FREM2: variants seen among roughly 807,000 people sequenced by gnomAD.
FREM2 encodes FRAS1-related extracellular matrix protein 2.
FREM2 carries 119 observed loss-of-function variants against 219.9 expected under a neutral mutation model. The observed-to-expected ratio is 0.54, with a 90% CI of 0.47 to 0.63. The LOEUF (loss-of-function observed/expected upper bound fraction) is 0.63, where lower values mean the gene tolerates loss of function less well. Among genes scored for constraint, FREM2 ranks in the 30% least tolerant of loss-of-function variants. The pLI is 0.00. For synonymous variants in FREM2, 1,562 were observed against 1,522.8 expected, an observed-to-expected ratio of 1.03 and a Z score of -0.60; for missense variants, 4,030 against 3,993.6, an observed-to-expected ratio of 1.01 and a Z score of -0.25.
chr13:38,776,957 A>G (rs1422351226), intron 4 of FREM2, among the ~76,000 whole-genome samples: 1 of 152,038 alleles, frequency 6.6e-6, no homozygotes, highest in Non-Finnish European at 1.5e-5. Flanking sequence ...CTCAGTGAAC[A>G]CCTTCACAAA....
intron 2 of FREM2, among the ~76,000 whole-genome samples, chr13:38,712,275 G>T (rs564905873): frequency 6.6e-6 from 1 of 152,292 alleles, no homozygotes; most frequent in South Asian, 2.1e-4. Context: ...GGGCTCTTCT[G>T]CAATACTCTA....
intron 2 of FREM2, among the ~76,000 whole-genome samples, chr13:38,722,745 G>T (rs1158169519): frequency 2.1e-5 from 3 of 140,068 alleles, no homozygotes; most frequent in Admixed American, 1.4e-4. Context: ...AGCTGGTAAC[G>T]TTTTTTTTTT....
intron 2 of FREM2, among the ~76,000 whole-genome samples, chr13:38,734,234 G>A (rs1193598598): frequency 1.3e-5 from 2 of 151,990 alleles, no homozygotes; most frequent in Non-Finnish European, 2.9e-5. Context: ...AATAACATGT[G>A]TTACCCTATC....
In FREM2 at chr13:38,874,565, T is replaced by G. The variant is rs1378247421; in HGVS notation, c.8260T>G (p.Leu2754Val). The G allele has an allele frequency of 6.2e-7, 1 of 1,614,020 alleles. No individual in the cohort carries two copies. Among genetic ancestry groups the G allele is most frequent in the Admixed American group, 1.7e-5 (1 of 60,022 alleles). The stretch of plus-strand genomic sequence containing the variant: ...CAAGACAGAGGCTCAGTTCCATGGC[T>G]TATTTGTGCTGTCACATCCCGGTAA... The part of the protein sequence containing the change: ...HFKTEAQFHG[L>V]FVLSHPASFT... The change falls in exon 18 of 24, where the codon TTA becomes GTA. Residue 2754 changes from leucine (L) to valine (V), a missense_variant. Coordinates refer to ENST00000280481, the MANE Select transcript of FREM2 (RefSeq NM_207361.6).
intron 2 of FREM2, among the ~76,000 whole-genome samples, chr13:38,715,455 G>A (rs1264500843): frequency 6.6e-6 from 1 of 152,126 alleles, no homozygotes; most frequent in Admixed American, 6.5e-5. Context: ...GATGCACATG[G>A]CCCTTCCTGG....
Position 38,872,819 on chromosome 13 carries a change from G to A in FREM2, c.8061G>A (p.Gly2687=), listed in dbSNP as rs147947821. The stretch of plus-strand genomic sequence containing the variant: ...CCTACGTGTTCCATTCCCCCGTGGG[G>A]GTAGGAGGCTGGCAGCATTTTGACT... ...YVSYVFHSPV[G]VGGWQHFDLK... The change falls in exon 17 of 24, where the codon GGG becomes GGA. Residue 2687 remains glycine, a synonymous_variant. Coordinates refer to ENST00000280481, the MANE Select transcript of FREM2 (RefSeq NM_207361.6). 105 of 1,613,934 alleles carry A rather than the reference G, an allele frequency of 6.5e-5. 1 individual carries two copies. In the Middle Eastern group the frequency reaches 1.3e-3, roughly 20 times the overall value.
intron 2 of FREM2, among the ~76,000 whole-genome samples, chr13:38,704,549 C>A (rs961217217): frequency 6.6e-6 from 1 of 152,100 alleles, no homozygotes; most frequent in African/African-American, 2.4e-5. Context: ...AGAAAAGCAC[C>A]AGCATGCCTG....
chr13:38,836,676 G>T (rs1436003716), intron 6 of FREM2, among the ~76,000 whole-genome samples: 1 of 151,976 alleles, frequency 6.6e-6, no homozygotes, highest in South Asian at 2.1e-4. Context: ...GTCTTGGAAG[G>T]GTGTATGTGT....
At chr13:38,792,858 G>A (rs1054368812) in intron 6 of FREM2, among the ~76,000 whole-genome samples, 1 of 152,152 alleles carries the variant, frequency 6.6e-6, no homozygotes, top group African/African-American at 2.4e-5. Context: ...ATAAAACAAA[G>A]TAGACAATAA....
chr13:38,813,561 CTCTATATA>C (rs1875626491), intron 6 of FREM2, among the ~76,000 whole-genome samples: 1 of 5,576 alleles, frequency 1.8e-4, no homozygotes, highest in African/African-American at 5.4e-4. Context: ...CTCTCTCTCT[CTCTATATA>C]TATATATATA....
At chr13:38,810,472 C>A (rs1372511421) in intron 6 of FREM2, among the ~76,000 whole-genome samples, 1 of 151,754 alleles carries the variant, frequency 6.6e-6, no homozygotes, top group Non-Finnish European at 1.5e-5. Context: ...ATATGGTTTT[C>A]ATTATGTTGA....
Position 38,885,178 on chromosome 13 carries a change from T to C in FREM2, c.*4391T>C, listed in dbSNP as rs1183220120. 8 of 152,174 alleles carry C rather than the reference T, an allele frequency of 5.3e-5. No homozygotes were observed. The highest frequency in any genetic ancestry group is 1.2e-4 in the Non-Finnish European group (8 of 67,998). 9.4% of individuals were successfully genotyped at this position (152,174 alleles called of 1,614,324 possible). On this transcript the variant is annotated 3_prime_UTR_variant, in exon 24 of 24. Coordinates refer to ENST00000280481, the MANE Select transcript of FREM2 (RefSeq NM_207361.6). ...AGAAGGACATGATATTTTTCTATAG[T>C]TTCCATCAGGAAGAGTACATCAGAA... is the stretch of plus-strand genomic sequence containing the variant.
Position 38,702,659 on chromosome 13 carries a change from A to G in FREM2, c.5263+4872A>G, listed in dbSNP as rs5009558. ...ATCCAGCTTGTTTCTTGATGGGCTT[A>G]AGAAAAAATTAGAATACATGATCAC... On this transcript the variant is annotated intron_variant, in intron 2 of 23. Coordinates refer to ENST00000280481, the MANE Select transcript of FREM2 (RefSeq NM_207361.6). 5.6e-5 allele frequency among the ~76,000 whole-genome samples: 7 copies of G among 124,712 alleles called. No individual in the cohort carries two copies. In the South Asian group the frequency reaches 1.3e-3, roughly 23 times the overall value. The allele number at this position is 124,712 out of a possible 152,430, so 81.8% of individuals were successfully genotyped here.
intron 6 of FREM2, among the ~76,000 whole-genome samples, chr13:38,803,099 G>T (rs1252657366): frequency 1.3e-5 from 2 of 152,126 alleles, no homozygotes; most frequent in African/African-American, 4.8e-5. Context: ...TGTACTAGCT[G>T]CATCTAGTCA....
chr13:38,745,087 T>C (rs2137785749), intron 2 of FREM2, among the ~76,000 whole-genome samples: 1 of 152,196 alleles, frequency 6.6e-6, no homozygotes, highest in South Asian at 2.1e-4. Context: ...GATCCAATAA[T>C]CCTAACATTA....
chr13:38,688,971 C>T lies in FREM2; in HGVS notation c.1627C>T (p.His543Tyr), dbSNP rs557607394. The T allele has an allele frequency of 5.1e-5, 83 of 1,613,686 alleles. 1 individual carries two copies. The South Asian group carries it at 8.1e-4, about 16-fold the overall frequency. Residue 543 changes from histidine to tyrosine, a missense_variant, in exon 1 of 24, where the codon CAC becomes TAC. His to Tyr is a moderately conservative substitution (Grantham distance 83, BLOSUM62 2). Coordinates refer to ENST00000280481, the MANE Select transcript of FREM2 (RefSeq NM_207361.6). ...VLRMVDGGGR[H>Y]QVQFLFPITL... ...TCGCATGGTGGATGGAGGAGGCAGGCACCAGGTACAGTTTCTGTTCCCCAT... is the reference window on the plus strand; with the variant it reads ...TCGCATGGTGGATGGAGGAGGCAGGTACCAGGTACAGTTTCTGTTCCCCAT...
At chr13:38,699,407 T>A (rs923753748) in intron 2 of FREM2, among the ~76,000 whole-genome samples, 6 of 152,162 alleles carry the variant, frequency 3.9e-5, no homozygotes, top group African/African-American at 1.4e-4. Context: ...TTGGAAAACA[T>A]TCTATAGTAT....
At chr13:38,760,125 A>G (rs1487736300) in intron 2 of FREM2, among the ~76,000 whole-genome samples, 2 of 152,142 alleles carry the variant, frequency 1.3e-5, no homozygotes, top group South Asian at 2.1e-4. Flanking sequence ...TAGACTGCAT[A>G]TTTTCTAGTT....
Position 38,687,947 on chromosome 13 carries a change from C to A in FREM2, c.603C>A (p.Asp201Glu), listed in dbSNP as rs1869564499. ...EELLGTSNAL[D>E]ARSLEFAFQP... ...TGCTGGGGACCAGCAATGCCCTGGA[C>A]GCGCGGAGCCTGGAGTTCGCCTTCC... The change falls in exon 1 of 24, where the codon GAC becomes GAA. Residue 201 changes from aspartate (D) to glutamate (E), a missense_variant. Asp to Glu is a conservative substitution (Grantham distance 45). Around this residue, in one of 2 missense-constraint regions of FREM2, gnomAD observed 3,102 missense variants for 2,950.7 expected, o/e 1.05. Coordinates refer to ENST00000280481, the MANE Select transcript of FREM2 (RefSeq NM_207361.6). 1.9e-6 allele frequency: 3 copies of A among 1,607,854 alleles called. No homozygotes were observed. Among genetic ancestry groups the A allele is most frequent in the Non-Finnish European group, 1.7e-6 (2 of 1,176,710 alleles).
Sources: allele counts gnomAD v4.1 joint callset (sites outside exome capture counted in the v4.1 genomes callset), GRCh38; gene constraint gnomAD v4.1.1; regional missense constraint gnomAD v4.1.1; transcripts MANE v1.5; gene names NCBI Gene and HGNC (gene_info 2026-07-23, HGNC 2026-07-21).